Variants in WDR70 observed in about 807,000 individuals in gnomAD.
The protein encoded by WDR70 is WD repeat-containing protein 70.
In WDR70, 53 loss-of-function variants were observed where a neutral mutation model predicts 88.6. The ratio of observed to expected loss-of-function variants is 0.60; its 90% CI spans 0.48 to 0.75. The LOEUF is 0.75. WDR70 is among the 30% of genes least tolerant of loss of function. The pLI is 0.00. For missense variants in WDR70, 610 were observed against 823.2 expected (o/e 0.74, Z 3.17); for synonymous variants, 280 against 270.0 (o/e 1.04, Z -0.36).
intron 10 of WDR70, among the ~76,000 whole-genome samples, chr5:37,622,894 TA>T (rs1251523442): frequency 6.6e-6 from 1 of 151,730 alleles, no homozygotes; most frequent in East Asian, 1.9e-4. Context: ...TGTATAATAA[TA>T]AAAAAAGAAA....
intron 5 of WDR70, among the ~76,000 whole-genome samples, chr5:37,422,294 C>CG (rs34960512): frequency 6.9e-6 from 1 of 145,786 alleles, no homozygotes; most frequent in Non-Finnish European, 1.5e-5. Context: ...TTCCTTTTTT[C>CG]TTTTTTTTTT....
chr5:37,647,985 C>T (rs1297081009), intron 10 of WDR70, among the ~76,000 whole-genome samples: 8 of 152,130 alleles, frequency 5.3e-5, no homozygotes, highest in Admixed American at 3.3e-4. Context: ...GGAAACTACC[C>T]CCATAATCCA....
At chr5:37,474,331 TGTG>T (rs1483288135) in intron 7 of WDR70, among the ~76,000 whole-genome samples, 1 of 152,238 alleles carries the variant, frequency 6.6e-6, no homozygotes, top group Admixed American at 6.5e-5. Context: ...TTATTAATTT[TGTG>T]GTTCTAATCT....
chr5:37,586,104 A>G (rs1286491248), intron 9 of WDR70, among the ~76,000 whole-genome samples: 1 of 152,122 alleles, frequency 6.6e-6, no homozygotes, highest in Non-Finnish European at 1.5e-5. Flanking sequence ...TAGGAGCCAA[A>G]TCGAGTGTTA....
intron 9 of WDR70, among the ~76,000 whole-genome samples, chr5:37,526,774 C>A (rs1741289630): frequency 6.6e-6 from 1 of 152,174 alleles, no homozygotes; most frequent in East Asian, 1.9e-4. Context: ...TGATAAGCAA[C>A]TTCAGCAAAG....
At chr5:37,423,180 C>T (rs1444188623) in intron 5 of WDR70, among the ~76,000 whole-genome samples, 1 of 151,960 alleles carries the variant, frequency 6.6e-6, no homozygotes, top group Non-Finnish European at 1.5e-5. Flanking sequence ...TGGTAACTAA[C>T]CTCTTTCACT....
intron 9 of WDR70, among the ~76,000 whole-genome samples, chr5:37,519,615 C>T (rs1741020772): frequency 7.2e-6 from 1 of 138,274 alleles, no homozygotes; most frequent in Non-Finnish European, 1.5e-5. Flanking sequence ...GACGGCGTGG[C>T]CGGGCGGAGG....
intron 7 of WDR70, among the ~76,000 whole-genome samples, chr5:37,457,288 G>T (rs1218509138): frequency 6.6e-6 from 1 of 152,118 alleles, no homozygotes; most frequent in Admixed American, 6.5e-5. Context: ...TAGAGATAGG[G>T]TTTCACCATG....
At chr5:37,489,218 C>A (rs992227467) in intron 8 of WDR70, among the ~76,000 whole-genome samples, 1 of 152,154 alleles carries the variant, frequency 6.6e-6, no homozygotes, top group African/African-American at 2.4e-5. Context: ...TGGGCCCTTG[C>A]GCACAGTATA....
intron 8 of WDR70, among the ~76,000 whole-genome samples, chr5:37,497,133 T>C (rs1740240359): frequency 6.6e-6 from 1 of 151,966 alleles, no homozygotes; most frequent in Admixed American, 6.6e-5. Flanking sequence ...TTATTTTCTT[T>C]CTTTTCTTTC....
intron 9 of WDR70, among the ~76,000 whole-genome samples, chr5:37,599,343 A>C (rs747119134): frequency 2.0e-5 from 3 of 152,316 alleles, no homozygotes; most frequent in South Asian, 4.1e-4. Flanking sequence ...TTTGGTGCTC[A>C]TGTTTTCTAC....
intron 6 of WDR70, among the ~76,000 whole-genome samples, chr5:37,442,509 G>A (rs1277265404): frequency 2.0e-5 from 3 of 152,012 alleles, no homozygotes; most frequent in African/African-American, 7.2e-5. Flanking sequence ...TTTTAGTAAA[G>A]ATGGGGTTTC....
At chr5:37,455,896 A>G (rs1738821778) in intron 7 of WDR70, among the ~76,000 whole-genome samples, 1 of 151,924 alleles carries the variant, frequency 6.6e-6, no homozygotes, top group Admixed American at 6.6e-5. Context: ...CCCCCAGGTA[A>G]CCACTGATGT....
intron 10 of WDR70, among the ~76,000 whole-genome samples, chr5:37,655,634 T>C (rs190200729): frequency 6.6e-6 from 1 of 152,120 alleles, no homozygotes; most frequent in East Asian, 1.9e-4. Flanking sequence ...TTTATTCATT[T>C]CTTTTCATTC....
chr5:37,592,331 G>A (rs1338103578), intron 9 of WDR70, among the ~76,000 whole-genome samples: 1 of 152,148 alleles, frequency 6.6e-6, no homozygotes, highest in African/African-American at 2.4e-5. Context: ...TACACATGTG[G>A]AGAACTATAG....
intron 8 of WDR70, among the ~76,000 whole-genome samples, chr5:37,508,337 A>G (rs1055857739): frequency 1.3e-5 from 2 of 152,178 alleles, no homozygotes; most frequent in African/African-American, 4.8e-5. Flanking sequence ...GATACAGGAG[A>G]AGATGGCCCA....
chr5:37,649,733 C>CTTCTTTTTTTTTTTTTT (rs1384336784), intron 10 of WDR70, among the ~76,000 whole-genome samples: 3 of 68,740 alleles, frequency 4.4e-5, no homozygotes, highest in African/African-American at 6.4e-5. Context: ...GTTATTACTT[C>CTTCTTTTTTTTTTTTTT]TTTTTTTTTT....
intron 10 of WDR70, among the ~76,000 whole-genome samples, chr5:37,675,788 G>A (rs1423749529): frequency 6.6e-6 from 1 of 152,058 alleles, no homozygotes; most frequent in African/African-American, 2.4e-5. Flanking sequence ...TTGGTAGCTT[G>A]ATGGGGATGG....
intron 5 of WDR70, among the ~76,000 whole-genome samples, chr5:37,414,144 C>CAA (rs59026349): frequency 0.22 from 20,535 of 93,646 alleles, 2,027 homozygotes; most frequent in East Asian, 0.42. Flanking sequence ...AACTCTGTCT[C>CAA]AAAAAAAAAA....
Sources: gnomAD v4.1 joint callset for allele counts (sites outside exome capture counted in the v4.1 genomes callset) on GRCh38, gnomAD v4.1.1 for gene constraint, MANE v1.5 for transcripts, NCBI Gene and HGNC (gene_info 2026-07-23, HGNC 2026-07-21) for gene names.